PRKAB2: variants seen among roughly 807,000 people sequenced by gnomAD.
PRKAB2 encodes protein kinase AMP-activated non-catalytic subunit beta 2, also known as 5'-AMP-activated protein kinase subunit beta-2.
In PRKAB2, 18 loss-of-function variants were observed where a neutral mutation model predicts 29.8. That is an observed-to-expected ratio of 0.60 (90% confidence interval 0.42 to 0.89). The LOEUF (loss-of-function observed/expected upper bound fraction) is 0.89, where lower values mean the gene tolerates loss of function less well. PRKAB2 is among the 40% of genes least tolerant of loss of function. The probability of loss-of-function intolerance (pLI) is 0.00; values close to 1 mark genes in which losing one functional copy is unlikely to be tolerated. For missense variants in PRKAB2, 270 were observed against 344.3 expected, an observed-to-expected ratio of 0.78 and a Z score of 1.71; for synonymous variants, 136 against 125.9, an observed-to-expected ratio of 1.08 and a Z score of -0.54.
At chr1:147,162,260 C>T (rs1177949161) in intron 6 of PRKAB2, among the ~76,000 whole-genome samples, 180 bp downstream of exon 6, 1 of 152,126 alleles carries the variant, frequency 6.6e-6, no homozygotes, top group Non-Finnish European at 1.5e-5. Context: ...ATTTTTATAT[C>T]AGTACCTGAA....
At position 147,171,971 on chromosome 1, in the gene PRKAB2, CG is replaced by C; in HGVS notation, c.156+17del. 1 of 1,594,916 alleles carries C rather than the reference CG, an allele frequency of 6.3e-7. No homozygotes were observed. Among genetic ancestry groups the C allele is most frequent in the Non-Finnish European group, 8.5e-7 (1 of 1,171,506 alleles). ...CCCGCTGCAGTACTGACACCAACTG[CG>C]GGCATGGGACGCTTACCTTGGAGTC... On this transcript the variant is annotated intron_variant, in intron 2 of 7. Coordinates refer to ENST00000254101, the MANE Select transcript of PRKAB2 (RefSeq NM_005399.5).
rs1654017238 is a variant in PRKAB2 at position 147,162,447 on chromosome 1, T to C, written c.665A>G (p.Asn222Ser). ...LLQVILNKDTNISCDPALLPE... is the reference protein window; with the variant it reads ...LLQVILNKDTSISCDPALLPE... Reference sequence around the variant, plus strand: ...AATACTCAGGATACTCACAGAAATATTAGTGTCTTTGTTAAGAATAACTTG... The same window carrying C: ...AATACTCAGGATACTCACAGAAATACTAGTGTCTTTGTTAAGAATAACTTG... The change falls in exon 6 of 8, where the codon AAT (asparagine) becomes AGT (serine). Residue 222 changes from asparagine (N) to serine (S), a missense_variant. Around this residue, in one of 2 missense-constraint regions of PRKAB2, gnomAD observed 42 missense variants for 88.8 expected, o/e 0.47. Transcript: ENST00000254101. The C allele has an allele frequency of 1.9e-6, 3 of 1,612,152 alleles. No homozygotes were observed. Among genetic ancestry groups the C allele is most frequent in the East Asian group, 4.5e-5 (2 of 44,860 alleles).
At chr1:147,166,248 G>C (rs1553913661) in intron 5 of PRKAB2, among the ~76,000 whole-genome samples, 1 of 152,102 alleles carries the variant, frequency 6.6e-6, no homozygotes, top group African/African-American at 2.4e-5. Context: ...AAGATAACAT[G>C]GAAAATAGAG....
chr1:147,156,416 C>G lies in PRKAB2; in HGVS notation c.*3149G>C, dbSNP rs1553912444. 6.6e-6 allele frequency: 1 copy of G among 152,466 alleles called. No individual in the cohort carries two copies. The highest frequency in any genetic ancestry group is 2.4e-5 in the African/African-American group (1 of 41,416). The allele number at this position is 152,466 out of a possible 1,614,324, so 9.4% of individuals were successfully genotyped here. Reference sequence around the variant, plus strand: ...CAGCAGCATACATGGAATATTGACACTTTTCAAAGTTTTTATCCCAGACCC... The same window carrying G: ...CAGCAGCATACATGGAATATTGACAGTTTTCAAAGTTTTTATCCCAGACCC... On this transcript the variant is annotated 3_prime_UTR_variant, in exon 8 of 8. Transcript: ENST00000254101.
rs1183077911 is a variant in PRKAB2 at position 147,171,975 on chromosome 1, C to A, written c.156+14G>T. The A allele has an allele frequency of 2.5e-6, 4 of 1,596,500 alleles. No individual in the cohort carries two copies. In the East Asian group the frequency reaches 9.2e-5, roughly 37 times the overall value. The stretch of plus-strand genomic sequence containing the variant: ...CTGCAGTACTGACACCAACTGCGGG[C>A]ATGGGACGCTTACCTTGGAGTCAGG... On this transcript the variant is annotated intron_variant, in intron 2 of 7. Coordinates refer to ENST00000254101, the MANE Select transcript of PRKAB2 (RefSeq NM_005399.5).
In PRKAB2 at chr1:147,157,034, T is replaced by C. The variant is rs1653707995; in HGVS notation, c.*2531A>G. 1.3e-5 allele frequency: 2 copies of C among 152,152 alleles called. 1 individual carries two copies. The allele number at this position is 152,152 out of a possible 1,614,324, so 9.4% of individuals were successfully genotyped here. On this transcript the variant is annotated 3_prime_UTR_variant, in exon 8 of 8. Transcript: ENST00000254101. The stretch of plus-strand genomic sequence containing the variant: ...GAACTATTTTCTTATTCTGCCTACT[T>C]TGACTCTGTAAAATTCCCAAAAGCA...
chr1:147,162,327 G>C, intron 6 of PRKAB2, 113 bp downstream of exon 6: 1 of 1,104,650 alleles, frequency 9.1e-7, no homozygotes, highest in African/African-American at 1.6e-5. Context: ...GTATGTGTAT[G>C]ACTTATAATC....
In PRKAB2 at chr1:147,159,439, G is replaced by A. The variant is rs1308063707; in HGVS notation, c.*126C>T. ...ATGCAAAAGCAGAGCATCCTACTCA[G>A]AGGCTCTGAAACACACATATCAGCC... On this transcript the variant is annotated 3_prime_UTR_variant, in exon 8 of 8. Coordinates refer to ENST00000254101, the MANE Select transcript of PRKAB2 (RefSeq NM_005399.5). 3.2e-5 allele frequency: 23 copies of A among 726,058 alleles called. No individual in the cohort carries two copies. The highest frequency in any genetic ancestry group is 4.1e-5 in the Non-Finnish European group (18 of 433,748). The allele number at this position is 726,058 out of a possible 1,614,324, so 45.0% of individuals were successfully genotyped here.
At chr1:147,160,919 A>C (rs1390419019) in intron 7 of PRKAB2, 8 of 152,180 alleles carry the variant, frequency 5.3e-5, no homozygotes, top group Admixed American at 2.6e-4. Flanking sequence ...ATTGTACCAC[A>C]TAGTTTGTTA....
At chr1:147,164,428 T>C (rs1426450792) in intron 5 of PRKAB2, among the ~76,000 whole-genome samples, 10 of 152,216 alleles carry the variant, frequency 6.6e-5, no homozygotes, top group Non-Finnish European at 1.0e-4. Flanking sequence ...AAACATCACA[T>C]TGTATCTCAT....
In PRKAB2 at chr1:147,172,155, C is replaced by T. The variant is rs1654670722; in HGVS notation, c.-11G>A. Reference sequence around the variant, plus strand: ...GGTGGTGTTTCCCATGGCTGCAGCTCGTCGGGGACCACCTACCGCGGGGAA... The same window carrying T: ...GGTGGTGTTTCCCATGGCTGCAGCTTGTCGGGGACCACCTACCGCGGGGAA... On this transcript the variant is annotated 5_prime_UTR_variant, in exon 2 of 8. Coordinates refer to ENST00000254101, the MANE Select transcript of PRKAB2 (RefSeq NM_005399.5). 3 of 1,541,508 alleles carry T rather than the reference C, an allele frequency of 1.9e-6. No individual in the cohort carries two copies. Among genetic ancestry groups the T allele is most frequent in the East Asian group, 4.9e-5 (2 of 40,750 alleles).
chr1:147,172,396 GCTCA>G lies in PRKAB2; in HGVS notation c.-24+29_-24+32del, dbSNP rs1654711996. 6 of 555,026 alleles carry G rather than the reference GCTCA, an allele frequency of 1.1e-5. No individual in the cohort carries two copies. In the Admixed American group the frequency reaches 1.8e-4, roughly 17 times the overall value. The allele number at this position is 555,026 out of a possible 1,614,324, so 34.4% of individuals were successfully genotyped here. On this transcript the variant is annotated intron_variant, in intron 1 of 7. Transcript: ENST00000254101. ...ATCGGGACCTCCCCCGCGTCCCCGC[GCTCA>G]CTGCCAGGGGCGCCCCCACTCCAGT...
chr1:147,158,224 C>T lies in PRKAB2; in HGVS notation c.*1341G>A, dbSNP rs782023431. 27 of 152,158 alleles carry T rather than the reference C, an allele frequency of 1.8e-4. No individual in the cohort carries two copies. Among genetic ancestry groups the T allele is most frequent in the Non-Finnish European group, 3.2e-4 (22 of 68,016 alleles). The allele number at this position is 152,158 out of a possible 1,614,324, so 9.4% of individuals were successfully genotyped here. ...GAATTCAGTGACCCCACTTAATCAT[C>T]AAACACCTTTAAAAAGAAGAGGCAG... On this transcript the variant is annotated 3_prime_UTR_variant, in exon 8 of 8. Transcript: ENST00000254101.
intron 5 of PRKAB2, among the ~76,000 whole-genome samples, 183 bp downstream of exon 5, chr1:147,166,315 T>C (rs587609617): frequency 9.8e-5 from 15 of 152,292 alleles, no homozygotes; most frequent in Admixed American, 5.2e-4. Context: ...ACAATGTGTG[T>C]GTTTGTGTTT....
chr1:147,171,250 G>A (rs1553914321), intron 2 of PRKAB2, among the ~76,000 whole-genome samples: 1 of 152,204 alleles, frequency 6.6e-6, no homozygotes, highest in East Asian at 1.9e-4. Context: ...GCTGTGGGTT[G>A]TCGTTTTTTT....
In PRKAB2 at chr1:147,162,483, G is replaced by C; in HGVS notation, c.629C>G (p.Pro210Arg). ...GTTAAGAATAACTTGAAGTAGATGA[G>C]GAGGAAGGATGGGTGGGGATTTGAA... ...ERFKSPPILP[P>R]HLLQVILNKD... Residue 210 changes from proline (P) to arginine (R), a missense_variant, in exon 6 of 8, where the codon CCT (proline) becomes CGT (arginine). Pro to Arg is a moderately radical substitution (Grantham distance 103). Transcript: ENST00000254101. 3 of 1,612,024 alleles carry C rather than the reference G, an allele frequency of 1.9e-6. No homozygotes were observed. In the South Asian group the frequency reaches 3.3e-5, roughly 18 times the overall value.
chr1:147,166,715 C>A, intron 4 of PRKAB2, 97 bp from the exon 5 acceptor site: 1 of 1,564,422 alleles, frequency 6.4e-7, no homozygotes, highest in Non-Finnish European at 8.7e-7. Flanking sequence ...CGATTGTTCT[C>A]AGCACCTCCA....
chr1:147,163,233 T>C (rs782675518), intron 5 of PRKAB2, among the ~76,000 whole-genome samples: 10 of 152,176 alleles, frequency 6.6e-5, no homozygotes, highest in Non-Finnish European at 8.8e-5. Context: ...CTCACACTAT[T>C]CCCACTGCTA....
Position 147,159,434 on chromosome 1 carries a change from A to G in PRKAB2, c.*131T>C. The G allele has an allele frequency of 2.9e-6, 2 of 700,148 alleles. No homozygotes were observed. The highest frequency in any genetic ancestry group is 1.9e-5 in the South Asian group (1 of 52,084). 43.4% of individuals were successfully genotyped at this position (700,148 alleles called of 1,614,324 possible). ...ATCAAATGCAAAAGCAGAGCATCCT[A>G]CTCAGAGGCTCTGAAACACACATAT... is the stretch of plus-strand genomic sequence containing the variant. On this transcript the variant is annotated 3_prime_UTR_variant, in exon 8 of 8. Coordinates refer to ENST00000254101, the MANE Select transcript of PRKAB2 (RefSeq NM_005399.5).
Sources: gnomAD v4.1 joint callset for allele counts (sites outside exome capture counted in the v4.1 genomes callset) on GRCh38, gnomAD v4.1.1 for gene constraint, gnomAD v4.1.1 regional missense constraint, MANE v1.5 for transcripts, NCBI Gene and HGNC (gene_info 2026-07-23, HGNC 2026-07-21) for gene names.